DPF3: variants seen among roughly 807,000 people sequenced by gnomAD.
DPF3 encodes double PHD fingers 3.
A neutral mutation model predicts 56.8 loss-of-function variants in DPF3; 18 were observed. The ratio of observed to expected loss-of-function variants is 0.32; its 90% confidence interval spans 0.22 to 0.47. The LOEUF (loss-of-function observed/expected upper bound fraction) is 0.47, where lower values mean the gene tolerates loss of function less well. Among genes scored for constraint, DPF3 ranks in the 20% least tolerant of loss-of-function variants. The pLI, the probability that DPF3 is intolerant of heterozygous loss-of-function variation, is 1.00. For missense variants in DPF3, 403 were observed against 488.8 expected (o/e 0.82, Z 1.65); for synonymous variants, 188 against 180.2 (o/e 1.04, Z -0.35).
intron 1 of DPF3, among the ~76,000 whole-genome samples, chr14:72,868,712 C>A (rs1885777253): frequency 6.6e-6 from 1 of 152,164 alleles, no homozygotes; most frequent in Non-Finnish European, 1.5e-5. Context: ...AGGGAGTGTC[C>A]ATCAGAATGA....
intron 1 of DPF3, among the ~76,000 whole-genome samples, chr14:72,819,968 T>C (rs1158414033): frequency 6.6e-6 from 1 of 152,130 alleles, no homozygotes; most frequent in Non-Finnish European, 1.5e-5. Flanking sequence ...TAGTGTATGA[T>C]TGTGTTTACA....
At chr14:72,753,480 A>G (rs41314521) in intron 2 of DPF3, 109 bp from the exon 3 acceptor site, 216,672 of 869,406 alleles carry the variant, frequency 0.25, 29,001 homozygotes, top group South Asian at 0.28. Context: ...AAGCCCAGAG[A>G]GAAGTGACTT....
intron 1 of DPF3, among the ~76,000 whole-genome samples, chr14:72,817,713 T>A (rs1462541140): frequency 6.6e-6 from 1 of 151,586 alleles, no homozygotes; most frequent in African/African-American, 2.4e-5. Context: ...GAATTGAGGT[T>A]AAAAAAAATC....
chr14:72,792,747 A>C (rs558443032), intron 1 of DPF3, among the ~76,000 whole-genome samples: 1 of 152,102 alleles, frequency 6.6e-6, no homozygotes, highest in Non-Finnish European at 1.5e-5. Flanking sequence ...AGGTCCAGTT[A>C]GCAGAGGCCA....
At chr14:72,769,953 C>T (rs1223264813) in intron 2 of DPF3, among the ~76,000 whole-genome samples, 2 of 152,048 alleles carry the variant, frequency 1.3e-5, no homozygotes, top group East Asian at 3.9e-4. Flanking sequence ...AACTGTATCT[C>T]ACAATAACTA....
intron 1 of DPF3, chr14:72,773,750 T>C (rs540003834): frequency 2.2e-6 from 1 of 444,692 alleles, no homozygotes; most frequent in East Asian, 7.0e-5. Context: ...TTATTTGACT[T>C]AGCATAATAT....
chr14:72,708,940 G>T (rs1480268923), intron 6 of DPF3, among the ~76,000 whole-genome samples: 1 of 152,212 alleles, frequency 6.6e-6, no homozygotes, highest in Non-Finnish European at 1.5e-5. Context: ...CCCAAAGGAG[G>T]AGCCATCCCC....
chr14:72,627,715 A>T (rs1182275786), intron 9 of DPF3, among the ~76,000 whole-genome samples: 2 of 152,150 alleles, frequency 1.3e-5, no homozygotes, highest in Non-Finnish European at 2.9e-5. Flanking sequence ...ATTGGACCTG[A>T]GATAAATTTA....
chr14:72,747,034 C>T (rs766605328), intron 3 of DPF3, among the ~76,000 whole-genome samples: 16 of 152,218 alleles, frequency 1.1e-4, no homozygotes, highest in Non-Finnish European at 1.9e-4. Context: ...AGGCAGAAGG[C>T]ACAAACACTC....
intron 1 of DPF3, among the ~76,000 whole-genome samples, chr14:72,807,784 T>C (rs1379240897): frequency 6.6e-6 from 1 of 152,044 alleles, no homozygotes; most frequent in Non-Finnish European, 1.5e-5. Flanking sequence ...CTGGTCAACA[T>C]AGGAAGACCC....
chr14:72,671,466 T>C lies in DPF3; in HGVS notation c.871+2774A>G, dbSNP rs746335128. 3.3e-5 allele frequency: 43 copies of C among 1,301,232 alleles called. No individual in the cohort carries two copies. The Admixed American group carries it at 4.0e-4, about 12-fold the overall frequency. 80.6% of individuals were successfully genotyped at this position (1,301,232 alleles called of 1,614,324 possible). ...AAAACCATTTGCACACCAAAGGGAT[T>C]AACCCGGTGCATCACCTGGTGACGG... On this transcript the variant is annotated intron_variant, in intron 8 of 10. Transcript: ENST00000556509.
intron 1 of DPF3, among the ~76,000 whole-genome samples, chr14:72,854,958 C>T (rs1168408407): frequency 6.6e-5 from 10 of 152,100 alleles, no homozygotes; most frequent in Admixed American, 2.6e-4. Flanking sequence ...AATTTAGAAA[C>T]GAAGGGAAGT....
intron 5 of DPF3, among the ~76,000 whole-genome samples, chr14:72,715,975 A>G (rs927543268): frequency 2.0e-5 from 3 of 151,066 alleles, no homozygotes; most frequent in African/African-American, 7.3e-5. Context: ...GCCTGCCCGC[A>G]CTGCCGAGGG....
chr14:72,620,427 T>C (rs531470997), intron 9 of DPF3, among the ~76,000 whole-genome samples: 8 of 152,240 alleles, frequency 5.3e-5, no homozygotes, highest in Non-Finnish European at 1.2e-4. Context: ...GGCCAACAGC[T>C]GTACTGGGAT....
At chr14:72,656,349 A>G (rs1886062100) in intron 8 of DPF3, among the ~76,000 whole-genome samples, 1 of 152,198 alleles carries the variant, frequency 6.6e-6, no homozygotes, top group African/African-American at 2.4e-5. Flanking sequence ...CTTAAAAATA[A>G]ACAACACAAT....
chr14:72,828,984 G>T (rs563302226), intron 1 of DPF3, among the ~76,000 whole-genome samples: 20 of 152,292 alleles, frequency 1.3e-4, no homozygotes, highest in African/African-American at 4.8e-4. Context: ...TTCTCACTTG[G>T]GCTTGAGGGG....
Position 72,618,491 on chromosome 14 carries a change from G to A in DPF3, c.*806C>T, listed in dbSNP as rs1399297779. Among the ~76,000 whole-genome samples, 1 of 152,148 alleles carries A rather than the reference G, an allele frequency of 6.6e-6. No homozygotes were observed. Among genetic ancestry groups the A allele is most frequent in the African/African-American group, 2.4e-5 (1 of 41,430 alleles). On this transcript the variant is annotated 3_prime_UTR_variant, in exon 11 of 11. Coordinates refer to ENST00000556509, the MANE Select transcript of DPF3 (RefSeq NM_001280542.3). ...CTTCCTCTGTCCATAGGCCATGACTGGTCTCACCTAAAGGATGCCCCAGCT... is the reference window on the plus strand; with the variant it reads ...CTTCCTCTGTCCATAGGCCATGACTAGTCTCACCTAAAGGATGCCCCAGCT...
At chr14:72,845,788 A>G (rs1318260993) in intron 1 of DPF3, among the ~76,000 whole-genome samples, 6 of 152,190 alleles carry the variant, frequency 3.9e-5, no homozygotes, top group Non-Finnish European at 8.8e-5. Flanking sequence ...GAAAGTTAAG[A>G]TTCCTGTTCT....
chr14:72,808,454 C>T (rs962829864), intron 1 of DPF3, among the ~76,000 whole-genome samples: 3 of 152,154 alleles, frequency 2.0e-5, no homozygotes, highest in African/African-American at 7.2e-5. Context: ...TGGTGTAATA[C>T]TACAAGTGGG....
Sources: gnomAD v4.1 joint callset for allele counts (sites outside exome capture counted in the v4.1 genomes callset) on GRCh38, gnomAD v4.1.1 for gene constraint, MANE v1.5 for transcripts, NCBI Gene and HGNC (gene_info 2026-07-23, HGNC 2026-07-21) for gene names.